TMEM116: variants seen among roughly 807,000 people sequenced by gnomAD.
The protein encoded by TMEM116 is transmembrane protein 116.
TMEM116 carries 38 observed loss-of-function variants against 44.3 expected under a neutral mutation model. The ratio of observed to expected loss-of-function variants is 0.86; its 90% CI spans 0.66 to 1.12. The LOEUF is 1.12. Among genes scored for constraint, TMEM116 ranks in the 50% most tolerant of loss-of-function variants. The probability of loss-of-function intolerance (pLI) is 0.00; values close to 1 mark genes in which losing one functional copy is unlikely to be tolerated. For missense variants in TMEM116, 354 were observed against 401.7 expected, an observed-to-expected ratio of 0.88 and a Z score of 1.01; for synonymous variants, 132 against 144.8, an observed-to-expected ratio of 0.91 and a Z score of 0.64.
intron 3 of TMEM116, among the ~76,000 whole-genome samples, chr12:111,994,492 G>A (rs2136649439): frequency 6.6e-6 from 1 of 152,316 alleles, no homozygotes; most frequent in African/African-American, 2.4e-5. Context: ...GGATATACTG[G>A]CATTTATTAT....
intron 4 of TMEM116, among the ~76,000 whole-genome samples, chr12:111,961,255 G>A (rs1684164669): frequency 6.6e-6 from 1 of 152,134 alleles, no homozygotes; most frequent in South Asian, 2.1e-4. Flanking sequence ...ACAAAGGGGA[G>A]CTGGTACCAT....
chr12:112,000,763 T>C (rs994132252), intron 3 of TMEM116: 46 of 538,280 alleles, frequency 8.5e-5, no homozygotes, highest in African/African-American at 8.4e-4. Flanking sequence ...AGTAACACAA[T>C]TGCAATTGAG....
intron 4 of TMEM116, among the ~76,000 whole-genome samples, chr12:111,957,426 G>A (rs1236029034): frequency 6.7e-5 from 10 of 149,834 alleles, no homozygotes; most frequent in East Asian, 2.0e-4. Context: ...GAGCCCCTCC[G>A]CCCGGCAGCC....
At chr12:112,007,295 TC>T (rs2077634321) in intron 1 of TMEM116, among the ~76,000 whole-genome samples, 1 of 152,138 alleles carries the variant, frequency 6.6e-6, no homozygotes. Context: ...GCGCCTGTAA[TC>T]CCAGCTACTC....
intron 4 of TMEM116, among the ~76,000 whole-genome samples, chr12:111,949,490 T>C (rs1182318287): frequency 3.9e-5 from 6 of 152,234 alleles, no homozygotes; most frequent in Admixed American, 1.3e-4. Context: ...ACTTTTTAAA[T>C]CTGAAATTAC....
intron 4 of TMEM116, among the ~76,000 whole-genome samples, chr12:111,943,603 C>T (rs368699982): frequency 2.2e-4 from 34 of 152,244 alleles, no homozygotes; most frequent in African/African-American, 7.5e-4. Context: ...GGCACAATCT[C>T]GGCTCACTGC....
chr12:111,986,063 G>C (rs1285541387), intron 4 of TMEM116, among the ~76,000 whole-genome samples: 1 of 151,742 alleles, frequency 6.6e-6, no homozygotes, highest in Non-Finnish European at 1.5e-5. Context: ...AAACAATCTT[G>C]AAAAAGAAGA....
At chr12:111,946,656 TG>T (rs2073304100) in intron 4 of TMEM116, among the ~76,000 whole-genome samples, 1 of 152,214 alleles carries the variant, frequency 6.6e-6, no homozygotes, top group Non-Finnish European at 1.5e-5. Context: ...GCAGAGATTT[TG>T]TTTATGGCCA....
intron 4 of TMEM116, among the ~76,000 whole-genome samples, chr12:111,987,598 A>G (rs1202530096): frequency 2.6e-5 from 4 of 152,176 alleles, no homozygotes; most frequent in Admixed American, 2.6e-4. Flanking sequence ...AAGCTGCCCA[A>G]CATTACTAAT....
chr12:111,989,321 C>T (rs765570884), intron 4 of TMEM116, among the ~76,000 whole-genome samples: 15 of 152,114 alleles, frequency 9.9e-5, no homozygotes, highest in Non-Finnish European at 2.1e-4. Flanking sequence ...AGAAAAGGGC[C>T]CCCTTTAGGC....
intron 4 of TMEM116, among the ~76,000 whole-genome samples, chr12:111,985,185 A>C (rs1238252196): frequency 6.6e-6 from 1 of 152,158 alleles, no homozygotes; most frequent in African/African-American, 2.4e-5. Flanking sequence ...ATTAAGCAAG[A>C]AGAAATAAAA....
In TMEM116 at chr12:111,938,170, A is replaced by T. The variant is rs773932840; in HGVS notation, c.356T>A (p.Val119Asp). ...YTCRVCQMAFVFSSLIPLLLM... is the reference protein window; with the variant it reads ...YTCRVCQMAFDFSSLIPLLLM... Reference sequence around the variant, plus strand: ...AAAGAAAAAATTTTACCTTGAGAAAACAAAGGCCATTTGACAAACTCGACA... The same window carrying T: ...AAAGAAAAAATTTTACCTTGAGAAATCAAAGGCCATTTGACAAACTCGACA... The change falls in exon 6 of 11, where the codon GTT (valine) becomes GAT (aspartate). Residue 119 changes from valine (V) to aspartate (D), a missense_variant. Physicochemically the swap from Val to Asp is radical, Grantham distance 152. Coordinates refer to ENST00000552374, the MANE Select transcript of TMEM116 (RefSeq NM_001193531.2). The T allele has an allele frequency of 2.3e-5, 37 of 1,597,238 alleles. No homozygotes were observed. In the Admixed American group the frequency reaches 6.5e-4, roughly 28 times the overall value.
intron 4 of TMEM116, among the ~76,000 whole-genome samples, chr12:111,961,026 T>G (rs2074554465): frequency 6.6e-6 from 1 of 152,052 alleles, no homozygotes; most frequent in Non-Finnish European, 1.5e-5. Flanking sequence ...CAAACTACCA[T>G]CAGAGAATAC....
chr12:112,008,076 A>G (rs558415462), intron 1 of TMEM116, among the ~76,000 whole-genome samples: 1 of 152,284 alleles, frequency 6.6e-6, no homozygotes, highest in South Asian at 2.1e-4. Context: ...CCAGCTACTC[A>G]GCAGGCTGCG....
At chr12:111,986,219 T>G (rs1437775277) in intron 4 of TMEM116, among the ~76,000 whole-genome samples, 1 of 151,900 alleles carries the variant, frequency 6.6e-6, no homozygotes, top group African/African-American at 2.4e-5. Flanking sequence ...ATTAGCCAGC[T>G]GTGGTGATGT....
Position 111,989,320 on chromosome 12 carries a change from C to A in TMEM116, c.210+2438G>T, listed in dbSNP as rs556571825. ...TTAGGCAACAGAGATCAGAAAAGGG[C>A]CCCCTTTAGGCAGGAAAGTATGGAG... is the stretch of plus-strand genomic sequence containing the variant. On this transcript the variant is annotated intron_variant, in intron 4 of 10. Coordinates refer to ENST00000552374, the MANE Select transcript of TMEM116 (RefSeq NM_001193531.2). 2.0e-5 allele frequency among the ~76,000 whole-genome samples: 3 copies of A among 152,272 alleles called. No individual in the cohort carries two copies. The South Asian group carries it at 6.2e-4, about 32-fold the overall frequency.
At chr12:112,000,872 T>A in intron 3 of TMEM116, 1 of 446,368 alleles carries the variant, frequency 2.2e-6, no homozygotes, top group Non-Finnish European at 4.5e-6. Flanking sequence ...ATCCACCAAT[T>A]CTCTGGTCTA....
intron 4 of TMEM116, among the ~76,000 whole-genome samples, chr12:111,989,917 A>G (rs2136606508): frequency 6.6e-6 from 1 of 152,314 alleles, no homozygotes; most frequent in Admixed American, 6.5e-5. Flanking sequence ...TACACCATAA[A>G]TATGTATAGT....
chr12:111,976,679 GA>G (rs1282875426), intron 4 of TMEM116, among the ~76,000 whole-genome samples: 1 of 152,102 alleles, frequency 6.6e-6, no homozygotes, highest in Non-Finnish European at 1.5e-5. Flanking sequence ...ATTAGATAGG[GA>G]ATCTAAAACA....
Sources: allele counts gnomAD v4.1 joint callset (sites outside exome capture counted in the v4.1 genomes callset), GRCh38; gene constraint gnomAD v4.1.1; transcripts MANE v1.5; gene names NCBI Gene and HGNC (gene_info 2026-07-23, HGNC 2026-07-21).